Variants in SV2C observed in about 807,000 individuals in gnomAD.
SV2C encodes synaptic vesicle glycoprotein 2C.
A neutral mutation model predicts 79.7 loss-of-function variants in SV2C; 49 were observed. The observed-to-expected ratio is 0.61, with a 90% CI of 0.49 to 0.78. The LOEUF (loss-of-function observed/expected upper bound fraction) is 0.78. Ranked by LOEUF, SV2C falls within the 30% of genes least tolerant of loss-of-function variation. The pLI is 0.00. For missense variants in SV2C, 833 were observed against 912.9 expected, an observed-to-expected ratio of 0.91 and a Z score of 1.13; for synonymous variants, 334 against 333.2, an observed-to-expected ratio of 1.00 and a Z score of -0.03.
At chr5:76,315,346 G>C (rs550036679) in intron 12 of SV2C, among the ~76,000 whole-genome samples, 2 of 151,818 alleles carry the variant, frequency 1.3e-5, no homozygotes, top group South Asian at 4.2e-4. Context: ...ATGATAGTCT[G>C]GTATCAAAAA....
the SV2C span, among the ~76,000 whole-genome samples, chr5:76,023,703 T>C: frequency 3.3e-5 from 3 of 90,882 alleles, no homozygotes; most frequent in African/African-American, 1.6e-4. Flanking sequence ...TATATATGTA[T>C]GTATGTTTGT....
intron 12 of SV2C, chr5:76,353,083 G>A (rs780257683): frequency 8.9e-6 from 4 of 451,098 alleles, no homozygotes; most frequent in Non-Finnish European, 1.8e-5. Context: ...TAGGACTACA[G>A]GTGGGAGCCA....
chr5:76,275,347 C>T (rs1746992686), intron 4 of SV2C, among the ~76,000 whole-genome samples: 1 of 152,006 alleles, frequency 6.6e-6, no homozygotes. Context: ...ATTAGCTGGG[C>T]ATGGTGGCGG....
chr5:75,969,282 A>C, the SV2C span, among the ~76,000 whole-genome samples: 1 of 152,204 alleles, frequency 6.6e-6, no homozygotes, highest in African/African-American at 2.4e-5. Context: ...GAGCAAAATA[A>C]CTGGCTAACA....
At chr5:75,997,109 T>G in the SV2C span, among the ~76,000 whole-genome samples, 68,000 of 147,584 alleles carry the variant, frequency 0.46, 16,398 homozygotes, top group Middle Eastern at 0.63. Flanking sequence ...CAGTATGATA[T>G]TGGCTGTGGG....
the SV2C span, among the ~76,000 whole-genome samples, chr5:75,998,688 G>A: frequency 6.6e-6 from 1 of 151,880 alleles, no homozygotes; most frequent in Admixed American, 6.6e-5. Flanking sequence ...GTGTGTGTGT[G>A]TGTATTATAC....
intron 2 of SV2C, among the ~76,000 whole-genome samples, chr5:76,159,599 A>G (rs1742839270): frequency 6.6e-6 from 1 of 152,088 alleles, no homozygotes; most frequent in Non-Finnish European, 1.5e-5. Flanking sequence ...AGTGTCTGGT[A>G]TTTGTTGGCT....
chr5:76,043,397 A>G, the SV2C span, among the ~76,000 whole-genome samples: 3 of 152,232 alleles, frequency 2.0e-5, no homozygotes, highest in African/African-American at 7.2e-5. Context: ...GCTCTGGAGA[A>G]GTCTAGCTGT....
At chr5:75,960,024 T>G in the SV2C span, among the ~76,000 whole-genome samples, 6 of 151,980 alleles carry the variant, frequency 3.9e-5, no homozygotes, top group Non-Finnish European at 5.9e-5. Flanking sequence ...GATATAAAAC[T>G]TTCTTAAGAG....
At chr5:76,011,801 C>T in the SV2C span, among the ~76,000 whole-genome samples, 1 of 152,074 alleles carries the variant, frequency 6.6e-6, no homozygotes, top group Non-Finnish European at 1.5e-5. Flanking sequence ...TTATATTCTC[C>T]TCCCTGTGTC....
chr5:76,325,791 C>T lies in SV2C; in HGVS notation c.*244C>T, dbSNP rs1193364876. The T allele has an allele frequency of 2.3e-6, 1 of 440,556 alleles. No homozygotes were observed. Among genetic ancestry groups the T allele is most frequent in the East Asian group, 4.4e-5 (1 of 22,902 alleles). The allele number at this position is 440,556 out of a possible 1,614,324, so 27.3% of individuals were successfully genotyped here. ...TTTCCAAACTGTGATGCTACTGCCTCCCGCAAATCAGTGGAAGCATTTCTA... is the reference window on the plus strand; with the variant it reads ...TTTCCAAACTGTGATGCTACTGCCTTCCGCAAATCAGTGGAAGCATTTCTA... On this transcript the variant is annotated 3_prime_UTR_variant, in exon 13 of 13. Coordinates refer to ENST00000502798, the MANE Select transcript of SV2C (RefSeq NM_014979.4).
In SV2C at chr5:76,131,682, C is replaced by T. The variant is rs1223941806; in HGVS notation, c.-69C>T. ...TTGAACCCAAAGTGGATGATGCTGT[C>T]AGAGCTGAACCACTGAAAGGAGGCT... is the stretch of plus-strand genomic sequence containing the variant. On this transcript the variant is annotated 5_prime_UTR_variant, in exon 2 of 13. Transcript: ENST00000502798. 5.1e-6 allele frequency: 7 copies of T among 1,370,480 alleles called. No homozygotes were observed. The South Asian group carries it at 7.4e-5, about 15-fold the overall frequency. 84.9% of individuals were successfully genotyped at this position (1,370,480 alleles called of 1,614,324 possible).
intron 1 of SV2C, among the ~76,000 whole-genome samples, chr5:76,115,173 G>A (rs1448450952): frequency 2.0e-5 from 3 of 152,136 alleles, no homozygotes; most frequent in Non-Finnish European, 4.4e-5. Flanking sequence ...GAACAATCGC[G>A]CGTTGGTCCC....
chr5:76,055,665 T>G, the SV2C span, among the ~76,000 whole-genome samples: 1 of 152,204 alleles, frequency 6.6e-6, no homozygotes, highest in Non-Finnish European at 1.5e-5. Context: ...TGTCCTCTCT[T>G]ATTTCCTTGA....
At chr5:76,154,106 C>A (rs1742652013) in intron 2 of SV2C, among the ~76,000 whole-genome samples, 1 of 152,110 alleles carries the variant, frequency 6.6e-6, no homozygotes. Context: ...TGACAATGTA[C>A]AAAAAGCATC....
chr5:76,265,631 C>T (rs1580002289), intron 4 of SV2C, among the ~76,000 whole-genome samples: 1 of 152,228 alleles, frequency 6.6e-6, no homozygotes, highest in East Asian at 1.9e-4. Flanking sequence ...ATCCCCTGGT[C>T]TGTGGATTGC....
intron 2 of SV2C, among the ~76,000 whole-genome samples, chr5:76,158,297 A>C (rs1027117430): frequency 6.6e-6 from 1 of 151,912 alleles, no homozygotes; most frequent in African/African-American, 2.4e-5. Context: ...TATACTGTCT[A>C]CAGAGCCACA....
At position 76,231,511 on chromosome 5, in the gene SV2C, T is replaced by C. The variant is rs536183078; in HGVS notation, c.913+21624T>C. Among the ~76,000 whole-genome samples the C allele has an allele frequency of 2.3e-3, 356 of 151,544 alleles. 5 individuals carry two copies. Among genetic ancestry groups the C allele is most frequent in the African/African-American group, 8.1e-3 (329 of 40,864 alleles). ...TGCAGGTTAGTTACATACGTATACA[T>C]GTGCCATGCTGGTGCGCCGCACCCA... On this transcript the variant is annotated intron_variant, in intron 4 of 12. Coordinates refer to ENST00000502798, the MANE Select transcript of SV2C (RefSeq NM_014979.4).
At chr5:76,181,823 C>A (rs971664045) in intron 2 of SV2C, among the ~76,000 whole-genome samples, 3 of 152,144 alleles carry the variant, frequency 2.0e-5, no homozygotes, top group Admixed American at 2.0e-4. Context: ...GCTTTCCTTC[C>A]CCACGCAGGA....
Sources: gnomAD v4.1 joint callset for allele counts (sites outside exome capture counted in the v4.1 genomes callset) on GRCh38, gnomAD v4.1.1 for gene constraint, MANE v1.5 for transcripts, NCBI Gene and HGNC (gene_info 2026-07-23, HGNC 2026-07-21) for gene names.